The following UNC5C variants were observed in gnomAD, a reference collection of about 807,000 sequenced individuals.
UNC5C encodes the protein unc-5 netrin receptor C, also known as netrin receptor UNC5C.
In UNC5C, 47 loss-of-function variants were observed where a neutral mutation model predicts 99.8. That is an observed-to-expected ratio of 0.47 (90% confidence interval 0.37 to 0.60). UNC5C has a LOEUF of 0.60. Ranked by LOEUF, UNC5C falls within the 20% of genes least tolerant of loss-of-function variation. The pLI is 0.00. For missense variants in UNC5C, 1,062 were observed against 1,165.9 expected (o/e 0.91, Z 1.30); for synonymous variants, 487 against 452.2 (o/e 1.08, Z -0.98).
intron 1 of UNC5C, among the ~76,000 whole-genome samples, chr4:95,534,254 T>A (rs1345824806): frequency 6.6e-6 from 1 of 152,224 alleles, no homozygotes; most frequent in Non-Finnish European, 1.5e-5. Flanking sequence ...GACTGAGTTG[T>A]CCTTGTTTAT....
intron 1 of UNC5C, among the ~76,000 whole-genome samples, chr4:95,368,756 A>C (rs1034357324): frequency 1.3e-5 from 2 of 152,226 alleles, no homozygotes; most frequent in Non-Finnish European, 2.9e-5. Flanking sequence ...GTAAAAAGTA[A>C]CAAGGGAATT....
chr4:95,384,633 G>A (rs1745161478), intron 1 of UNC5C, among the ~76,000 whole-genome samples: 1 of 152,264 alleles, frequency 6.6e-6, no homozygotes, highest in African/African-American at 2.4e-5. Flanking sequence ...CATCCTGGCA[G>A]GAGGTCATTA....
chr4:95,390,559 C>T (rs1745327212), intron 1 of UNC5C, among the ~76,000 whole-genome samples: 1 of 152,152 alleles, frequency 6.6e-6, no homozygotes, highest in Non-Finnish European at 1.5e-5. Context: ...TCCCCACCTC[C>T]CTGGGCCTAT....
intron 1 of UNC5C, among the ~76,000 whole-genome samples, chr4:95,477,993 C>T (rs1274897286): frequency 2.6e-5 from 4 of 151,592 alleles, no homozygotes; most frequent in Non-Finnish European, 5.9e-5. Context: ...TAAAGTGCTT[C>T]GAACAGTGCA....
chr4:95,274,126 A>G (rs1227152454), intron 4 of UNC5C, among the ~76,000 whole-genome samples: 1 of 152,234 alleles, frequency 6.6e-6, no homozygotes, highest in Non-Finnish European at 1.5e-5. Flanking sequence ...AAGAGTAAAC[A>G]GATAAATTTC....
intron 7 of UNC5C, among the ~76,000 whole-genome samples, chr4:95,231,352 G>A (rs967780901): frequency 6.6e-6 from 1 of 152,138 alleles, no homozygotes; most frequent in African/African-American, 2.4e-5. Context: ...CATATCTTAT[G>A]GGGGTGGCTA....
rs189938787 is a variant in UNC5C, at chr4:95,517,349, C to T, written c.124+31385G>A. On this transcript the variant is annotated intron_variant, in intron 1 of 15. Coordinates refer to ENST00000453304, the MANE Select transcript of UNC5C (RefSeq NM_003728.4). ...TAGGGGATTTCTAACTCCCAGTGAC[C>T]TTATACTGGATTCAGGCTGACTATG... Among the ~76,000 whole-genome samples, 150 of 151,996 alleles carry T rather than the reference C, an allele frequency of 9.9e-4. 1 individual carries two copies. Among genetic ancestry groups the T allele is most frequent in the Non-Finnish European group, 1.1e-3 (75 of 68,004 alleles).
At chr4:95,300,281 CGTG>C (rs1444418543) in intron 3 of UNC5C, among the ~76,000 whole-genome samples, 10 of 152,152 alleles carry the variant, frequency 6.6e-5, no homozygotes, top group Non-Finnish European at 1.5e-4. Context: ...CCTTCTCCCT[CGTG>C]GTGATAACAT....
rs1235405493 is a variant in UNC5C, at chr4:95,167,416, A to C, written c.*1818T>G. On this transcript the variant is annotated 3_prime_UTR_variant, in exon 16 of 16. Coordinates refer to ENST00000453304, the MANE Select transcript of UNC5C (RefSeq NM_003728.4). ...GACTAACAAACATTTTGCAGGACAAAAGTTTTTAAAGAGCTAACTAGACAG... is the reference window on the plus strand; with the variant it reads ...GACTAACAAACATTTTGCAGGACAACAGTTTTTAAAGAGCTAACTAGACAG... The C allele has an allele frequency of 6.6e-6, 1 of 152,206 alleles. No individual in the cohort carries two copies. Among genetic ancestry groups the C allele is most frequent in the Non-Finnish European group, 1.5e-5 (1 of 68,046 alleles). 9.4% of individuals were successfully genotyped at this position (152,206 alleles called of 1,614,324 possible).
At chr4:95,290,920 C>T (rs964824948) in intron 3 of UNC5C, among the ~76,000 whole-genome samples, 6 of 152,062 alleles carry the variant, frequency 3.9e-5, no homozygotes, top group African/African-American at 1.2e-4. Context: ...TTGGTAATTT[C>T]TTCAGTCGTG....
intron 3 of UNC5C, among the ~76,000 whole-genome samples, chr4:95,285,579 A>G (rs1464849121): frequency 6.6e-6 from 1 of 152,206 alleles, no homozygotes; most frequent in Admixed American, 6.5e-5. Flanking sequence ...CACTTTGGCC[A>G]TAAGGTCCAT....
At chr4:95,482,879 G>T (rs1470054591) in intron 1 of UNC5C, among the ~76,000 whole-genome samples, 2 of 126,678 alleles carry the variant, frequency 1.6e-5, no homozygotes, top group East Asian at 2.2e-4. Flanking sequence ...GGAGGGGGGA[G>T]GGATAGCATT....
chr4:95,325,083 A>T (rs1378765895), intron 2 of UNC5C, among the ~76,000 whole-genome samples: 2 of 152,204 alleles, frequency 1.3e-5, no homozygotes, highest in Non-Finnish European at 2.9e-5. Flanking sequence ...GTTTAAGAGG[A>T]AAAACCATAT....
chr4:95,485,426 G>A (rs1193566072), intron 1 of UNC5C, among the ~76,000 whole-genome samples: 1 of 151,770 alleles, frequency 6.6e-6, no homozygotes, highest in Non-Finnish European at 1.5e-5. Flanking sequence ...GTAGGCACTT[G>A]AATCATCATC....
intron 1 of UNC5C, among the ~76,000 whole-genome samples, chr4:95,422,475 T>C (rs899079389): frequency 7.9e-5 from 12 of 152,180 alleles, no homozygotes; most frequent in African/African-American, 2.9e-4. Context: ...TTTTTTCTCT[T>C]TGAGACATGT....
At chr4:95,505,416 C>T (rs1219436748) in intron 1 of UNC5C, among the ~76,000 whole-genome samples, 1 of 152,020 alleles carries the variant, frequency 6.6e-6, no homozygotes, top group African/African-American at 2.4e-5. Flanking sequence ...TTGTTATAAC[C>T]CACTCTCATC....
At chr4:95,171,177 A>C (rs910251329) in intron 14 of UNC5C, among the ~76,000 whole-genome samples, 1 of 152,114 alleles carries the variant, frequency 6.6e-6, no homozygotes, top group Non-Finnish European at 1.5e-5. Flanking sequence ...CAATAAAAGA[A>C]AATCTACTTA....
intron 1 of UNC5C, among the ~76,000 whole-genome samples, chr4:95,417,276 C>A (rs991159099): frequency 1.3e-5 from 2 of 152,172 alleles, no homozygotes; most frequent in African/African-American, 2.4e-5. Flanking sequence ...TTTAATAAAT[C>A]TTTTCACAGA....
At chr4:95,447,983 T>A (rs1285018305) in intron 1 of UNC5C, among the ~76,000 whole-genome samples, 1 of 152,086 alleles carries the variant, frequency 6.6e-6, no homozygotes, top group Non-Finnish European at 1.5e-5. Context: ...GGAAAGGGCT[T>A]TCATCAGTAG....
Sources: allele counts gnomAD v4.1 joint callset (sites outside exome capture counted in the v4.1 genomes callset), GRCh38; gene constraint gnomAD v4.1.1; transcripts MANE v1.5; gene names NCBI Gene and HGNC (gene_info 2026-07-23, HGNC 2026-07-21).